The following FBLN1 variants were observed in gnomAD, a reference collection of about 807,000 sequenced individuals.
FBLN1 encodes the protein fibulin 1, also known as fibulin-1.
FBLN1 carries 34 observed loss-of-function variants against 89.7 expected under a neutral mutation model. The ratio of observed to expected loss-of-function variants is 0.38; its 90% CI spans 0.29 to 0.50. FBLN1 has a LOEUF of 0.50. Ranked by LOEUF, FBLN1 falls within the 20% of genes least tolerant of loss-of-function variation. The pLI is 0.92. For missense variants in FBLN1, 777 were observed against 988.1 expected (o/e 0.79, Z 2.86); for synonymous variants, 393 against 391.3 (o/e 1.00, Z -0.05).
chr22:45,586,865 G>T (rs2089090991), intron 16 of FBLN1, among the ~76,000 whole-genome samples: 1 of 152,114 alleles, frequency 6.6e-6, no homozygotes, highest in Non-Finnish European at 1.5e-5. Flanking sequence ...CTGTCGGTGG[G>T]TGACATCAGG....
chr22:45,564,263 C>T (rs943336086), intron 14 of FBLN1, among the ~76,000 whole-genome samples: 1 of 152,240 alleles, frequency 6.6e-6, no homozygotes, highest in Non-Finnish European at 1.5e-5. Context: ...CTGCTCCCAG[C>T]GTCCATTCAC....
chr22:45,547,238 A>AC (rs764808881), intron 12 of FBLN1, 34 bp downstream of exon 12: 1 of 1,610,566 alleles, frequency 6.2e-7, no homozygotes, highest in East Asian at 2.2e-5. Context: ...GGGGGAAAGC[A>AC]CCCCCTGGTC....
intron 1 of FBLN1, among the ~76,000 whole-genome samples, chr22:45,518,288 C>T (rs923745976): frequency 2.6e-5 from 4 of 152,130 alleles, no homozygotes; most frequent in Non-Finnish European, 4.4e-5. Context: ...GCAGCATGGC[C>T]GTGCCTCTGT....
At position 45,537,909 on chromosome 22, in the gene FBLN1, G is replaced by C. The variant is rs552405032; in HGVS notation, c.922+2572G>C. Among the ~76,000 whole-genome samples the C allele has an allele frequency of 2.0e-5, 3 of 152,338 alleles. No individual in the cohort carries two copies. The South Asian group carries it at 6.2e-4, about 32-fold the overall frequency. Reference sequence around the variant, plus strand: ...GCTCAGACTTGCAGCCTGCTCAAAGGGGGGTCCGGAGGAGGCTGGCGTCGA... The same window carrying C: ...GCTCAGACTTGCAGCCTGCTCAAAGCGGGGTCCGGAGGAGGCTGGCGTCGA... On this transcript the variant is annotated intron_variant, in intron 8 of 16. Transcript: ENST00000327858. The surrounding 1 kb of genome is among the most constrained non-coding windows in gnomAD (Gnocchi z 5.7).
chr22:45,591,267 T>G (rs943732993), intron 16 of FBLN1, among the ~76,000 whole-genome samples: 1 of 152,068 alleles, frequency 6.6e-6, no homozygotes, highest in Admixed American at 6.6e-5. Context: ...ACTGCCTGCG[T>G]TTGCGATGAG....
In FBLN1 at chr22:45,532,759, C is replaced by T. The variant is rs1309834424; in HGVS notation, c.545-304C>T. On this transcript the variant is annotated intron_variant, in intron 5 of 16. Coordinates refer to ENST00000327858, the MANE Select transcript of FBLN1 (RefSeq NM_006486.3). The surrounding 1 kb of genome is among the most constrained non-coding windows in gnomAD (Gnocchi z 4.2). ...GAGCCCACACCCCCATGTCTGTGAC[C>T]GGCAGTGAGCTCTTCTCTGCTTCGC... 26 of 476,830 alleles carry T rather than the reference C, an allele frequency of 5.5e-5. No homozygotes were observed. In the Admixed American group the frequency reaches 7.3e-4, roughly 13 times the overall value. 29.5% of individuals were successfully genotyped at this position (476,830 alleles called of 1,614,324 possible).
Position 45,549,329 on chromosome 22 carries a change from C to A in FBLN1, c.1573+585C>A, listed in dbSNP as rs1301165999. ...GTGAGCGCGTGATCCTCAGTGTACA[C>A]ACTGCGCCCAGAAGCTGAGTCATGG... is the stretch of plus-strand genomic sequence containing the variant. On this transcript the variant is annotated intron_variant, in intron 13 of 16. Coordinates refer to ENST00000327858, the MANE Select transcript of FBLN1 (RefSeq NM_006486.3). This position sits in a 1 kb window ranked among gnomAD's most constrained non-coding sequence, Gnocchi z 5.7. Among the ~76,000 whole-genome samples the A allele has an allele frequency of 6.6e-6, 1 of 152,200 alleles. No homozygotes were observed. Among genetic ancestry groups the A allele is most frequent in the Non-Finnish European group, 1.5e-5 (1 of 68,026 alleles).
At chr22:45,593,845 A>ACG (rs1361196734) in intron 16 of FBLN1, among the ~76,000 whole-genome samples, 1 of 151,604 alleles carries the variant, frequency 6.6e-6, no homozygotes, top group Non-Finnish European at 1.5e-5. Context: ...TCATCTTACG[A>ACG]CGTGTTCATG....
intron 9 of FBLN1, 36 bp from the exon 10 acceptor site, chr22:45,542,119 A>G: frequency 6.2e-7 from 1 of 1,613,840 alleles, no homozygotes; most frequent in Non-Finnish European, 8.5e-7. Flanking sequence ...ACCCAAACTA[A>G]AGGTTTTCAT....
rs1282462846 is a variant in FBLN1 at position 45,583,387 on chromosome 22, C to T, written c.1972+6279C>T. Among the ~76,000 whole-genome samples, 3 of 152,188 alleles carry T rather than the reference C, an allele frequency of 2.0e-5. No homozygotes were observed. The highest frequency in any genetic ancestry group is 2.9e-5 in the Non-Finnish European group (2 of 68,038). On this transcript the variant is annotated intron_variant, in intron 16 of 16. Transcript: ENST00000327858. This position sits in a 1 kb window ranked among gnomAD's most constrained non-coding sequence, Gnocchi z 4.5. The stretch of plus-strand genomic sequence containing the variant: ...GGTGGATGCTTACCTTAGACAGCTG[C>T]TCACCTTAGACATGGTCACCTATAT...
intron 16 of FBLN1, among the ~76,000 whole-genome samples, chr22:45,598,487 C>T (rs2089204755): frequency 1.3e-5 from 2 of 152,234 alleles, no homozygotes; most frequent in Non-Finnish European, 2.9e-5. Flanking sequence ...TGTTTGGCCG[C>T]AGACACTGGG....
At chr22:45,564,851 G>T in intron 14 of FBLN1, 2 of 1,612,926 alleles carry the variant, frequency 1.2e-6, no homozygotes, top group Non-Finnish European at 1.7e-6. Flanking sequence ...TAGCATTTCT[G>T]TGGCTGTGAC....
rs901297732 is a variant in FBLN1, at chr22:45,574,843, G to A, written c.1840+190G>A. On this transcript the variant is annotated intron_variant, in intron 15 of 16. Transcript: ENST00000327858. The surrounding 1 kb of genome is among the most constrained non-coding windows in gnomAD (Gnocchi z 4.1). ...GTCGCCCGGGCTGGAGTGCAGTGGTGCCATCTCGGCTCACTGCAAGCTCCA... is the reference window on the plus strand; with the variant it reads ...GTCGCCCGGGCTGGAGTGCAGTGGTACCATCTCGGCTCACTGCAAGCTCCA... Among the ~76,000 whole-genome samples the A allele has an allele frequency of 1.4e-5, 2 of 146,896 alleles. No homozygotes were observed. The highest frequency in any genetic ancestry group is 5.1e-5 in the African/African-American group (2 of 39,162).
At chr22:45,541,171 T>C in intron 8 of FBLN1, 58 bp from the exon 9 acceptor site, 1 of 1,610,360 alleles carries the variant, frequency 6.2e-7, no homozygotes, top group Non-Finnish European at 8.5e-7. Flanking sequence ...ATCCAGTTTT[T>C]GGGTTCTGGG....
At chr22:45,553,888 T>C (rs1325969995) in intron 14 of FBLN1, among the ~76,000 whole-genome samples, 1 of 152,192 alleles carries the variant, frequency 6.6e-6, no homozygotes, top group Non-Finnish European at 1.5e-5. Flanking sequence ...GTACCCGCCA[T>C]GCTGAGAGAA....
intron 14 of FBLN1, among the ~76,000 whole-genome samples, chr22:45,552,986 G>A (rs897418776): frequency 1.3e-5 from 2 of 152,354 alleles, no homozygotes; most frequent in East Asian, 1.9e-4. Flanking sequence ...CTTGGTTGCC[G>A]CTTCCCGGGG....
rs1466456749 is a variant in FBLN1 at position 45,579,842 on chromosome 22, TTCCA to T, written c.1972+2736_1972+2739del. Among the ~76,000 whole-genome samples, 1 of 152,092 alleles carries T rather than the reference TTCCA, an allele frequency of 6.6e-6. No homozygotes were observed. The highest frequency in any genetic ancestry group is 1.5e-5 in the Non-Finnish European group (1 of 68,014). ...TCCCTCCTCTTCTGCCCAGAATAACTTCCATACATCCTGGGAGCTTCCTGGTCCC... is the reference window on the plus strand; with the variant it reads ...TCCCTCCTCTTCTGCCCAGAATAACTTACATCCTGGGAGCTTCCTGGTCCC... On this transcript the variant is annotated intron_variant, in intron 16 of 16. Transcript: ENST00000327858. This position sits in a 1 kb window ranked among gnomAD's most constrained non-coding sequence, Gnocchi z 5.5.
chr22:45,519,620 AACTC>A, intron 2 of FBLN1, among the ~76,000 whole-genome samples: 1 of 116,204 alleles, frequency 8.6e-6, no homozygotes, highest in Admixed American at 8.7e-5. Flanking sequence ...GCGAAACTCT[AACTC>A]AAAAAAAAAA....
chr22:45,589,516 C>T (rs1047672265), intron 16 of FBLN1, among the ~76,000 whole-genome samples: 6 of 152,250 alleles, frequency 3.9e-5, no homozygotes, highest in Non-Finnish European at 7.3e-5. Context: ...ACATTGAGGA[C>T]GTGGCCTTGC....
Sources: allele counts gnomAD v4.1 joint callset (sites outside exome capture counted in the v4.1 genomes callset), GRCh38; gene constraint gnomAD v4.1.1; non-coding constraint Gnocchi (gnomAD v3.1); transcripts MANE v1.5; gene names NCBI Gene and HGNC (gene_info 2026-07-23, HGNC 2026-07-21).